Variants in DAB1 observed in about 807,000 individuals in gnomAD.
The protein encoded by DAB1 is disabled homolog 1.
DAB1 carries 15 observed loss-of-function variants against 64.6 expected under a neutral mutation model. That is an observed-to-expected ratio of 0.23 (90% CI 0.16 to 0.36). The LOEUF is 0.36. Ranked by LOEUF, DAB1 falls within the 10% of genes least tolerant of loss-of-function variation. The pLI is 1.00. For synonymous variants in DAB1, 235 were observed against 251.9 expected (o/e 0.93, Z 0.64); for missense variants, 596 against 706.7 (o/e 0.84, Z 1.78).
intron 4 of DAB1, among the ~76,000 whole-genome samples, chr1:58,307,697 T>G (rs1046580065): frequency 6.6e-6 from 1 of 150,410 alleles, no homozygotes; most frequent in African/African-American, 2.5e-5. Context: ...GTCTTCCAGA[T>G]GGAGGGAAGA....
chr1:58,524,811 A>C (rs1389824103), intron 2 of DAB1, among the ~76,000 whole-genome samples: 1 of 152,222 alleles, frequency 6.6e-6, no homozygotes, highest in African/African-American at 2.4e-5. Context: ...AGGTGTTTAC[A>C]GTATTGCACT....
In DAB1 at chr1:57,339,892, A is replaced by G. The variant is rs17115659; in HGVS notation, c.-136-48726T>C. On this transcript the variant is annotated intron_variant, in intron 1 of 14. Coordinates refer to ENST00000371236, the MANE Select transcript of DAB1 (RefSeq NM_001365792.1). ...TTCAGCAATAGATATGTTACTCTGA[A>G]GCATCACTTAATTAATTTTCAAGTC... Among the ~76,000 whole-genome samples the G allele has an allele frequency of 4.3e-3, 648 of 152,306 alleles. 6 individuals are homozygous for G. The highest frequency in any genetic ancestry group is 0.015 in the African/African-American group (620 of 41,570).
intron 7 of DAB1, among the ~76,000 whole-genome samples, chr1:57,623,077 C>T (rs1308164461): frequency 1.3e-5 from 2 of 152,022 alleles, no homozygotes; most frequent in Non-Finnish European, 2.9e-5. Context: ...TTTTTCCCTT[C>T]GTTATTTGTC....
intron 5 of DAB1, among the ~76,000 whole-genome samples, chr1:57,969,668 T>C (rs1288186548): frequency 6.6e-6 from 1 of 152,200 alleles, no homozygotes; most frequent in African/African-American, 2.4e-5. Context: ...AAACTGCTTC[T>C]TTACATATAA....
intron 2 of DAB1, among the ~76,000 whole-genome samples, chr1:58,518,277 G>GAAGAGAAGAGAA (rs1553123887): frequency 4.2e-4 from 1 of 2,400 alleles, no homozygotes; most frequent in Admixed American, 4.2e-3. Context: ...AGAGAGGAGA[G>GAAGAGAAGAGAA]GAGAAGAGAA....
intron 5 of DAB1, among the ~76,000 whole-genome samples, chr1:58,141,248 T>C (rs188903390): frequency 6.6e-6 from 1 of 152,232 alleles, no homozygotes; most frequent in Admixed American, 6.5e-5. Context: ...TCCACATGGC[T>C]GGGGAGGCCT....
intron 6 of DAB1, among the ~76,000 whole-genome samples, chr1:57,740,494 C>T (rs983876212): frequency 4.6e-5 from 7 of 152,142 alleles, no homozygotes; most frequent in African/African-American, 1.7e-4. Context: ...GTGCCTAGCA[C>T]TTGGCAAACA....
chr1:58,221,332 A>C (rs1343631141), intron 4 of DAB1, among the ~76,000 whole-genome samples: 1 of 152,152 alleles, frequency 6.6e-6, no homozygotes, highest in Non-Finnish European at 1.5e-5. Flanking sequence ...ACCTGACCCT[A>C]AACAATGGGG....
chr1:58,285,128 T>A (rs986029568), intron 4 of DAB1, among the ~76,000 whole-genome samples: 3 of 152,156 alleles, frequency 2.0e-5, no homozygotes, highest in Admixed American at 6.5e-5. Context: ...AAAATCTCAA[T>A]AAGCTAGATA....
At chr1:57,512,077 G>C (rs1486716033) in intron 7 of DAB1, among the ~76,000 whole-genome samples, 1 of 152,156 alleles carries the variant, frequency 6.6e-6, no homozygotes, top group Non-Finnish European at 1.5e-5. Context: ...GTGAAACTAA[G>C]CCCTAGAGAA....
intron 1 of DAB1, among the ~76,000 whole-genome samples, chr1:57,877,051 G>A (rs1644058954): frequency 6.6e-6 from 1 of 152,122 alleles, no homozygotes; most frequent in African/African-American, 2.4e-5. Context: ...GTGTGAATAT[G>A]TATGTATAGA....
chr1:58,296,095 A>C, intron 4 of DAB1, among the ~76,000 whole-genome samples: 1 of 146,168 alleles, frequency 6.8e-6, no homozygotes, highest in Non-Finnish European at 1.5e-5. Flanking sequence ...CTCTGTCTCA[A>C]AAAAAAAAAA....
chr1:57,360,845 C>T (rs989022374), intron 1 of DAB1, among the ~76,000 whole-genome samples: 3 of 152,090 alleles, frequency 2.0e-5, no homozygotes, highest in African/African-American at 4.8e-5. Context: ...ACATGAGCAC[C>T]GGCCCTTCAA....
intron 1 of DAB1, among the ~76,000 whole-genome samples, chr1:57,856,725 C>T (rs1298391988): frequency 6.6e-6 from 1 of 152,080 alleles, no homozygotes; most frequent in African/African-American, 2.4e-5. Context: ...GATCATGCCA[C>T]TGCACTCTAG....
intron 1 of DAB1, chr1:58,541,756 A>G (rs1009804484): frequency 1.3e-5 from 2 of 149,414 alleles, no homozygotes; most frequent in Admixed American, 6.7e-5. Context: ...TTATCTGACT[A>G]TTTTATTCCT....
chr1:57,226,697 A>G (rs944587481), intron 2 of DAB1, among the ~76,000 whole-genome samples: 34 of 146,950 alleles, frequency 2.3e-4, no homozygotes, highest in African/African-American at 8.3e-4. Context: ...ATATATATAT[A>G]TCAGTGTTTA....
chr1:57,189,346 G>C (rs879831417), intron 2 of DAB1, among the ~76,000 whole-genome samples: 2 of 152,128 alleles, frequency 1.3e-5, no homozygotes, highest in Non-Finnish European at 2.9e-5. Flanking sequence ...TGGTCTTAGA[G>C]ATCCTTCTTT....
chr1:57,122,858 C>G lies in DAB1; in HGVS notation c.306+13685G>C, dbSNP rs534970515. On this transcript the variant is annotated intron_variant, in intron 4 of 14. Coordinates refer to ENST00000371236, the MANE Select transcript of DAB1 (RefSeq NM_001365792.1). ...TTATGAAAAAAATAATGCACATCAT[C>G]AAGGAGAATTTTATAAAGTGCCAAG... is the stretch of plus-strand genomic sequence containing the variant. 1.1e-3 allele frequency among the ~76,000 whole-genome samples: 162 copies of G among 152,182 alleles called. 1 individual carries two copies. The highest frequency in any genetic ancestry group is 3.7e-3 in the African/African-American group (155 of 41,524).
intron 9 of DAB1, among the ~76,000 whole-genome samples, chr1:57,035,224 C>G (rs1647102909): frequency 6.6e-6 from 1 of 152,176 alleles, no homozygotes; most frequent in South Asian, 2.1e-4. Context: ...CAATTTATGG[C>G]AGAGCCCCTA....
Sources: allele counts gnomAD v4.1 joint callset (sites outside exome capture counted in the v4.1 genomes callset), GRCh38; gene constraint gnomAD v4.1.1; transcripts MANE v1.5; gene names NCBI Gene and HGNC (gene_info 2026-07-23, HGNC 2026-07-21).